ZC3HAV1: variants seen among roughly 807,000 people sequenced by gnomAD.
ZC3HAV1 encodes zinc finger CCCH-type antiviral protein 1.
Under a neutral mutation model 86.6 loss-of-function variants are expected in ZC3HAV1, and 41 were observed. That is an observed-to-expected ratio of 0.47 (90% CI 0.37 to 0.61). ZC3HAV1 has a LOEUF of 0.61. ZC3HAV1 is among the 20% of genes least tolerant of loss of function. The probability of loss-of-function intolerance (pLI) is 0.00; values close to 1 mark genes in which losing one functional copy is unlikely to be tolerated. For synonymous variants in ZC3HAV1, 421 were observed against 432.1 expected (o/e 0.97, Z 0.32); for missense variants, 964 against 1,141.1 (o/e 0.84, Z 2.24).
Position 139,078,661 on chromosome 7 carries a change from A to G in ZC3HAV1, c.1472-8T>C. ...TGACATCAGATAAAGAATCTATGAA[A>G]CAAAAAAGGATGCATGTATGCTGAT... On this transcript the variant is annotated splice_polypyrimidine_tract_variant and splice_region_variant and intron_variant, in intron 4 of 12. Transcript: ENST00000242351. 3.2e-6 allele frequency: 5 copies of G among 1,556,420 alleles called. No homozygotes were observed. The highest frequency in any genetic ancestry group is 4.3e-6 in the Non-Finnish European group (5 of 1,158,624).
chr7:139,102,870 T>C (rs1181400512), intron 1 of ZC3HAV1, among the ~76,000 whole-genome samples: 2 of 150,950 alleles, frequency 1.3e-5, no homozygotes, highest in African/African-American at 2.4e-5. Flanking sequence ...CAGTGAGCCA[T>C]ATTTGCACCA....
intron 7 of ZC3HAV1, among the ~76,000 whole-genome samples, chr7:139,071,349 G>A (rs1268935820): frequency 6.6e-6 from 1 of 152,016 alleles, no homozygotes; most frequent in East Asian, 1.9e-4. Flanking sequence ...TGATCCACAC[G>A]CCTTGGCCTC....
rs536116327 is a variant in ZC3HAV1, at chr7:139,090,015, G to A, written c.309-256C>T. Among the ~76,000 whole-genome samples, 293 of 152,064 alleles carry A rather than the reference G, an allele frequency of 1.9e-3. 1 individual carries two copies. The highest frequency in any genetic ancestry group is 6.7e-3 in the African/African-American group (277 of 41,444). ...GCTCACTGCAACCTCCACCTCCTGC[G>A]TTCGAGCAATCCTCCTGCCTCAGCC... On this transcript the variant is annotated intron_variant, in intron 1 of 12. Coordinates refer to ENST00000242351, the MANE Select transcript of ZC3HAV1 (RefSeq NM_020119.4).
intron 7 of ZC3HAV1, among the ~76,000 whole-genome samples, chr7:139,067,437 T>A (rs1347040874): frequency 2.6e-5 from 4 of 152,024 alleles, no homozygotes; most frequent in African/African-American, 9.7e-5. Flanking sequence ...AGGCATGAGC[T>A]ACTGCACCTG....
At chr7:139,077,082 T>A (rs1214026526) in intron 5 of ZC3HAV1, among the ~76,000 whole-genome samples, 1 of 152,124 alleles carries the variant, frequency 6.6e-6, no homozygotes, top group Non-Finnish European at 1.5e-5. Context: ...CTACAGTTCA[T>A]CTCTTCCAGA....
rs549367077 is a variant in ZC3HAV1, at chr7:139,068,812, C to T, written c.1873-3813G>A. ...CCCTTGGTTCAGTCCACATCAGAGA[C>T]GAGTCTCAGGCACTGCTTGATGTGA... On this transcript the variant is annotated intron_variant, in intron 7 of 12. Transcript: ENST00000242351. Among the ~76,000 whole-genome samples, 11 of 152,304 alleles carry T rather than the reference C, an allele frequency of 7.2e-5. No homozygotes were observed. The South Asian group carries it at 1.7e-3, about 23-fold the overall frequency.
chr7:139,061,475 C>T (rs1036289219), intron 8 of ZC3HAV1, among the ~76,000 whole-genome samples: 6 of 152,180 alleles, frequency 3.9e-5, no homozygotes, highest in African/African-American at 1.2e-4. Context: ...TCAGTGATTA[C>T]GGGTTGGAAT....
At chr7:139,055,170 A>G in intron 10 of ZC3HAV1, 35 bp downstream of exon 10, 2 of 1,567,754 alleles carry the variant, frequency 1.3e-6, no homozygotes, top group Admixed American at 1.7e-5. Context: ...CTAACTTTTA[A>G]CAGACTCATC....
At chr7:139,105,032 CAAA>C (rs34053904) in intron 1 of ZC3HAV1, among the ~76,000 whole-genome samples, 77 of 72,820 alleles carry the variant, frequency 1.1e-3, no homozygotes, top group Middle Eastern at 8.2e-3. Flanking sequence ...GACTCTGTCT[CAAA>C]AAAAAAAAAA....
At chr7:139,058,306 TAGTC>T (rs1411793989) in intron 9 of ZC3HAV1, among the ~76,000 whole-genome samples, 2 of 151,746 alleles carry the variant, frequency 1.3e-5, no homozygotes, top group African/African-American at 2.4e-5. Context: ...ATAAAAAAAT[TAGTC>T]AGGTGTAGCG....
chr7:139,075,957 G>A (rs975687724), intron 6 of ZC3HAV1, among the ~76,000 whole-genome samples: 18 of 152,136 alleles, frequency 1.2e-4, no homozygotes, highest in African/African-American at 3.9e-4. Context: ...ATCAGGATAC[G>A]AGCCGGACAC....
intron 7 of ZC3HAV1, among the ~76,000 whole-genome samples, chr7:139,069,209 A>C (rs1216372038): frequency 6.6e-6 from 1 of 152,180 alleles, no homozygotes; most frequent in African/African-American, 2.4e-5. Context: ...CATTAGTTTA[A>C]TAGCCATAAT....
Position 139,109,409 on chromosome 7 carries a change from C to A in ZC3HAV1, c.-78G>T. ...ATCGGAAATCGAAACTTACAAGTGTCCAGGGGCGGGCGCGGGCGGTGCTAC... is the reference window on the plus strand; with the variant it reads ...ATCGGAAATCGAAACTTACAAGTGTACAGGGGCGGGCGCGGGCGGTGCTAC... On this transcript the variant is annotated 5_prime_UTR_variant, in exon 1 of 13. Transcript: ENST00000242351. 7.0e-7 allele frequency: 1 copy of A among 1,438,596 alleles called. No individual in the cohort carries two copies. The highest frequency in any genetic ancestry group is 9.1e-7 in the Non-Finnish European group (1 of 1,098,292). The allele number at this position is 1,438,596 out of a possible 1,614,324, so 89.1% of individuals were successfully genotyped here. A position where few individuals can be genotyped will look rare whatever the true frequency, so the allele number is the denominator to read the frequency against.
Position 139,047,494 on chromosome 7 carries a change from G to T in ZC3HAV1, c.*100C>A. The T allele has an allele frequency of 6.6e-7, 1 of 1,526,230 alleles. No individual in the cohort carries two copies. 94.5% of individuals were successfully genotyped at this position (1,526,230 alleles called of 1,614,324 possible). A position where few individuals can be genotyped will look rare whatever the true frequency, so the allele number is the denominator to read the frequency against. ...CACTGATCTAAGACATTAGATAACT[G>T]AGCAGGAAAATATAAAACTTTAACT... On this transcript the variant is annotated 3_prime_UTR_variant, in exon 13 of 13. Transcript: ENST00000242351.
In ZC3HAV1 at chr7:139,081,865, C is replaced by T. The variant is rs112785232; in HGVS notation, c.698-1622G>A. Among the ~76,000 whole-genome samples, 650 of 152,290 alleles carry T rather than the reference C, an allele frequency of 4.3e-3. 4 individuals carry two copies. The highest frequency in any genetic ancestry group is 0.015 in the African/African-American group (623 of 41,560). ...ATTGTTCATTAATTTGCACAGAATC[C>T]TAGAATCATGTATTCTATCTGCTTC... On this transcript the variant is annotated intron_variant, in intron 3 of 12. Coordinates refer to ENST00000242351, the MANE Select transcript of ZC3HAV1 (RefSeq NM_020119.4).
chr7:139,061,483 A>G (rs1401096580), intron 8 of ZC3HAV1, among the ~76,000 whole-genome samples: 1 of 152,242 alleles, frequency 6.6e-6, no homozygotes, highest in African/African-American at 2.4e-5. Context: ...TACGGGTTGG[A>G]ATCTGGTAGC....
chr7:139,089,848 C>CCCGT (rs1201813120), intron 1 of ZC3HAV1, 89 bp from the exon 2 acceptor site: 1 of 1,400,460 alleles, frequency 7.1e-7, no homozygotes, highest in African/African-American at 1.5e-5. Context: ...TCTGCAAAGA[C>CCCGT]CCGTGCCCAT....
At chr7:139,100,987 C>T (rs932723225) in intron 1 of ZC3HAV1, among the ~76,000 whole-genome samples, 1 of 152,182 alleles carries the variant, frequency 6.6e-6, no homozygotes, top group Admixed American at 6.5e-5. Flanking sequence ...CGATTGCAGG[C>T]GCGTGCCGCC....
chr7:139,048,835 A>G (rs1274069642), intron 12 of ZC3HAV1, among the ~76,000 whole-genome samples: 1 of 152,122 alleles, frequency 6.6e-6, no homozygotes, highest in Non-Finnish European at 1.5e-5. Context: ...GTCAGATACT[A>G]GATATTCTGT....
Sources: gnomAD v4.1 joint callset for allele counts (sites outside exome capture counted in the v4.1 genomes callset) on GRCh38, gnomAD v4.1.1 for gene constraint, MANE v1.5 for transcripts, NCBI Gene and HGNC (gene_info 2026-07-23, HGNC 2026-07-21) for gene names.